Variants in GFRA2 observed in about 807,000 individuals in gnomAD.
GFRA2 encodes GDNF family receptor alpha-2.
In GFRA2, 17 loss-of-function variants were observed where a neutral mutation model predicts 48.3. That is an observed-to-expected ratio of 0.35 (90% CI 0.24 to 0.53). GFRA2 has a LOEUF of 0.53. Ranked by LOEUF, GFRA2 falls within the 20% of genes least tolerant of loss-of-function variation. The pLI is 0.93. For missense variants in GFRA2, 660 were observed against 637.3 expected (o/e 1.04, Z -0.38); for synonymous variants, 305 against 257.2 (o/e 1.19, Z -1.78).
At chr8:21,810,370 T>G (rs1277297014) in intron 1 of GFRA2, among the ~76,000 whole-genome samples, 1 of 152,162 alleles carries the variant, frequency 6.6e-6, no homozygotes, top group East Asian at 1.9e-4. Flanking sequence ...CCCCCCTCAC[T>G]GACCTGGAGC....
chr8:21,740,054 G>A (rs901921522), intron 4 of GFRA2, among the ~76,000 whole-genome samples: 1 of 152,198 alleles, frequency 6.6e-6, no homozygotes, highest in Non-Finnish European at 1.5e-5. Flanking sequence ...GCACAGTGCA[G>A]TGGACAGAGT....
intron 4 of GFRA2, among the ~76,000 whole-genome samples, chr8:21,736,911 G>A (rs1372303016): frequency 6.8e-6 from 1 of 147,086 alleles, no homozygotes; most frequent in Non-Finnish European, 1.5e-5. Flanking sequence ...AAGAAATGAG[G>A]GGAGGGGAGG....
intron 4 of GFRA2, among the ~76,000 whole-genome samples, chr8:21,724,704 A>G (rs1323671962): frequency 6.6e-6 from 1 of 152,192 alleles, no homozygotes; most frequent in Admixed American, 6.5e-5. Flanking sequence ...GGCCGTGTAC[A>G]TAGAAACAAC....
chr8:21,719,017 G>C (rs929432565), intron 4 of GFRA2, among the ~76,000 whole-genome samples: 7 of 151,908 alleles, frequency 4.6e-5, no homozygotes, highest in Admixed American at 2.0e-4. Flanking sequence ...TGCCTCCTTG[G>C]CCCCCCCTTG....
At chr8:21,742,614 T>G (rs1033108730) in intron 4 of GFRA2, among the ~76,000 whole-genome samples, 8 of 152,256 alleles carry the variant, frequency 5.3e-5, no homozygotes, top group African/African-American at 1.7e-4. Context: ...GGAGCCAGTG[T>G]GAACAATGCA....
chr8:21,706,068 A>G, intron 4 of GFRA2, 27 bp from the exon 5 acceptor site: 1 of 1,435,732 alleles, frequency 7.0e-7, no homozygotes, highest in Non-Finnish European at 9.6e-7. Context: ...GACGCAATAG[A>G]GAAAACAGGG....
intron 2 of GFRA2, among the ~76,000 whole-genome samples, chr8:21,794,179 G>A (rs1217545413): frequency 6.8e-6 from 1 of 146,694 alleles, no homozygotes; most frequent in East Asian, 2.0e-4. Context: ...AATCTGTACT[G>A]TGGACCTTGT....
intron 3 of GFRA2, among the ~76,000 whole-genome samples, chr8:21,760,924 C>CT (rs1324280631): frequency 6.6e-6 from 1 of 152,140 alleles, no homozygotes; most frequent in African/African-American, 2.4e-5. Flanking sequence ...TGACACCCCC[C>CT]CAAATACTTA....
intron 2 of GFRA2, among the ~76,000 whole-genome samples, chr8:21,798,046 T>A (rs1433459025): frequency 1.3e-5 from 2 of 152,150 alleles, no homozygotes; most frequent in Non-Finnish European, 2.9e-5. Flanking sequence ...GGCTCCAGGA[T>A]GGGACATTCC....
rs2117095093 is a variant in GFRA2 at position 21,788,427 on chromosome 8, C to T, written c.-268G>A. 1.6e-6 allele frequency: 2 copies of T among 1,241,796 alleles called. No homozygotes were observed. The highest frequency in any genetic ancestry group is 2.0e-6 in the Non-Finnish European group (2 of 992,136). The allele number at this position is 1,241,796 out of a possible 1,614,324, so 76.9% of individuals were successfully genotyped here. On this transcript the variant is annotated 5_prime_UTR_variant, in exon 1 of 9. Coordinates refer to ENST00000524240, the MANE Select transcript of GFRA2 (RefSeq NM_001495.5). Reference sequence around the variant, plus strand: ...AAATATACGCGTATCTGTGTATCGGCTTTCTAAGCCAACAGCCCAGTCCTG... The same window carrying T: ...AAATATACGCGTATCTGTGTATCGGTTTTCTAAGCCAACAGCCCAGTCCTG...
At chr8:21,786,426 AT>A (rs1371145640) in intron 1 of GFRA2, among the ~76,000 whole-genome samples, 14 of 151,788 alleles carry the variant, frequency 9.2e-5, no homozygotes, top group East Asian at 1.9e-4. Flanking sequence ...CTGAAATACA[AT>A]TTTTTTTTCA....
chr8:21,729,559 G>A (rs536938974), intron 4 of GFRA2, among the ~76,000 whole-genome samples: 134 of 152,266 alleles, frequency 8.8e-4, no homozygotes, highest in Non-Finnish European at 1.6e-3. Context: ...AGAAAACTGG[G>A]CTTCACTGTC....
intron 3 of GFRA2, among the ~76,000 whole-genome samples, chr8:21,765,177 T>C (rs1419288210): frequency 6.6e-6 from 1 of 152,148 alleles, no homozygotes; most frequent in Non-Finnish European, 1.5e-5. Flanking sequence ...AGTGGCATGA[T>C]CACAGCTCAC....
upstream of GFRA2, among the ~76,000 whole-genome samples, chr8:21,789,020 G>A (rs1807428080): frequency 1.0e-5 from 1 of 97,290 alleles, no homozygotes; most frequent in African/African-American, 9.2e-5. Flanking sequence ...CGGGCTCCCA[G>A]GCGGCTGGCG....
chr8:21,758,006 G>C (rs1006712938), intron 3 of GFRA2, among the ~76,000 whole-genome samples: 1 of 152,070 alleles, frequency 6.6e-6, no homozygotes, highest in South Asian at 2.1e-4. Context: ...CAATGCACTC[G>C]GAGGGGGAAG....
At chr8:21,693,431 C>A in intron 8 of GFRA2, 31 bp from the exon 9 acceptor site, 1 of 1,580,600 alleles carries the variant, frequency 6.3e-7, no homozygotes, top group Non-Finnish European at 8.6e-7. Context: ...GAATCAGGAA[C>A]AAAGAGAATG....
At chr8:21,808,294 T>C (rs1807909468) in intron 1 of GFRA2, among the ~76,000 whole-genome samples, 1 of 152,178 alleles carries the variant, frequency 6.6e-6, no homozygotes, top group African/African-American at 2.4e-5. Context: ...AATGGCTCTG[T>C]TATTTTTGAA....
intron 4 of GFRA2, among the ~76,000 whole-genome samples, chr8:21,714,088 C>T (rs1585244211): frequency 6.6e-6 from 1 of 152,220 alleles, no homozygotes; most frequent in Admixed American, 6.5e-5. Context: ...TCTTCACCAA[C>T]AGGAAGTATA....
At chr8:21,792,717 AGAG>A (rs1470008087), upstream of GFRA2, among the ~76,000 whole-genome samples, 3 of 152,220 alleles carry the variant, frequency 2.0e-5, no homozygotes, top group African/African-American at 7.2e-5. Flanking sequence ...GGCTGAGCAC[AGAG>A]GAGGACACTC....
Sources: gnomAD v4.1 joint callset for allele counts (sites outside exome capture counted in the v4.1 genomes callset) on GRCh38, gnomAD v4.1.1 for gene constraint, MANE v1.5 for transcripts, NCBI Gene and HGNC (gene_info 2026-07-23, HGNC 2026-07-21) for gene names.